Variants in SENP8 observed in about 807,000 individuals in gnomAD.
SENP8 encodes the protein sentrin-specific protease 8.
Under a neutral mutation model 14.4 loss-of-function variants are expected in SENP8, and 10 were observed. The observed-to-expected ratio is 0.69, with a 90% CI of 0.43 to 1.18. The LOEUF (loss-of-function observed/expected upper bound fraction) is 1.18, where lower values mean the gene tolerates loss of function less well. SENP8 is among the 50% of genes most tolerant of loss of function. SENP8 has a pLI of 0.00. For synonymous variants in SENP8, 94 were observed against 95.5 expected (o/e 0.98, Z 0.09); for missense variants, 202 against 249.4 (o/e 0.81, Z 1.28).
intron 1 of SENP8, among the ~76,000 whole-genome samples, chr15:72,121,842 C>T (rs2081170964): frequency 6.6e-6 from 1 of 152,176 alleles, no homozygotes; most frequent in African/African-American, 2.4e-5. Context: ...GGAATATATA[C>T]CCCAGTGTGG....
intron 1 of SENP8, among the ~76,000 whole-genome samples, chr15:72,127,680 A>G (rs2081233472): frequency 6.6e-6 from 1 of 152,180 alleles, no homozygotes. Context: ...AAATTTTTAA[A>G]CAATTATTTT....
chr15:72,117,320 T>C (rs1045102567), upstream of SENP8, among the ~76,000 whole-genome samples: 2 of 149,342 alleles, frequency 1.3e-5, no homozygotes, highest in Non-Finnish European at 3.0e-5. Context: ...GGTCGAGACT[T>C]TGCCTGAGAA....
Position 72,140,292 on chromosome 15 carries a change from G to A in SENP8, c.*30G>A. Reference sequence around the variant, plus strand: ...TGAAGTATATTTGCGACTTTTGAAGGCTCCTCTTTCTGCCCTTCCCCATTT... The same window carrying A: ...TGAAGTATATTTGCGACTTTTGAAGACTCCTCTTTCTGCCCTTCCCCATTT... On this transcript the variant is annotated 3_prime_UTR_variant, in exon 2 of 2. Coordinates refer to ENST00000340912, the MANE Select transcript of SENP8 (RefSeq NM_145204.4). 1 of 1,524,968 alleles carries A rather than the reference G, an allele frequency of 6.6e-7. No homozygotes were observed. The highest frequency in any genetic ancestry group is 1.1e-5 in the South Asian group (1 of 87,154). 94.5% of individuals were successfully genotyped at this position (1,524,968 alleles called of 1,614,324 possible).
intron 1 of SENP8, among the ~76,000 whole-genome samples, chr15:72,137,844 C>T (rs988853910): frequency 4.0e-5 from 6 of 151,448 alleles, no homozygotes; most frequent in African/African-American, 4.8e-5. Context: ...TTGTGGCGGG[C>T]GCCTGTAGTC....
At chr15:72,117,940 C>T (rs1359295678), upstream of SENP8, 2 of 401,254 alleles carry the variant, frequency 5.0e-6, no homozygotes, top group Admixed American at 4.4e-5. Flanking sequence ...CGCGTTGGAC[C>T]GCCGCCTCAA....
In SENP8 at chr15:72,140,357, T is replaced by C. The variant is rs1273864357; in HGVS notation, c.*95T>C. ...ATCTCAGTGCCTGAGGGAAGATGCC[T>C]AGTAGAGGAAAGCTTAATACTCTTT... is the stretch of plus-strand genomic sequence containing the variant. On this transcript the variant is annotated 3_prime_UTR_variant, in exon 2 of 2. Coordinates refer to ENST00000340912, the MANE Select transcript of SENP8 (RefSeq NM_145204.4). 3 of 848,224 alleles carry C rather than the reference T, an allele frequency of 3.5e-6. No homozygotes were observed. The highest frequency in any genetic ancestry group is 1.6e-5 in the South Asian group (1 of 60,742). The allele number at this position is 848,224 out of a possible 1,614,324, so 52.5% of individuals were successfully genotyped here.
In SENP8 at chr15:72,140,334, C is replaced by A; in HGVS notation, c.*72C>A. Reference sequence around the variant, plus strand: ...TCCCCATTTGTTGGATGGCTGCAATCTCAGTGCCTGAGGGAAGATGCCTAG... The same window carrying A: ...TCCCCATTTGTTGGATGGCTGCAATATCAGTGCCTGAGGGAAGATGCCTAG... On this transcript the variant is annotated 3_prime_UTR_variant, in exon 2 of 2. Coordinates refer to ENST00000340912, the MANE Select transcript of SENP8 (RefSeq NM_145204.4). 2 of 1,097,930 alleles carry A rather than the reference C, an allele frequency of 1.8e-6. No individual in the cohort carries two copies. The highest frequency in any genetic ancestry group is 2.7e-6 in the Non-Finnish European group (2 of 734,176). 68.0% of individuals were successfully genotyped at this position (1,097,930 alleles called of 1,614,324 possible).
chr15:72,115,856 T>C (rs2151230073), upstream of SENP8, among the ~76,000 whole-genome samples: 1 of 152,106 alleles, frequency 6.6e-6, no homozygotes, highest in Admixed American at 6.5e-5. Flanking sequence ...ACATATAACA[T>C]CAGACACATT....
At position 72,133,418 on chromosome 15, in the gene SENP8, A is replaced by G. The variant is rs571454120; in HGVS notation, c.-47-6159A>G. Among the ~76,000 whole-genome samples, 113 of 152,314 alleles carry G rather than the reference A, an allele frequency of 7.4e-4. 3 individuals are homozygous for G. In the South Asian group the frequency reaches 0.022, roughly 30 times the overall value. Reference sequence around the variant, plus strand: ...CCACTTCATTCTAGCACGCTAGACTATTCAAGATTCTCTCCACATTTGAAA... The same window carrying G: ...CCACTTCATTCTAGCACGCTAGACTGTTCAAGATTCTCTCCACATTTGAAA... On this transcript the variant is annotated intron_variant, in intron 1 of 1. Transcript: ENST00000340912.
At position 72,140,436 on chromosome 15, in the gene SENP8, C is replaced by T. The variant is rs1266918885; in HGVS notation, c.*174C>T. The T allele has an allele frequency of 6.6e-6, 4 of 605,824 alleles. No homozygotes were observed. The highest frequency in any genetic ancestry group is 1.2e-5 in the Non-Finnish European group (4 of 337,002). The allele number at this position is 605,824 out of a possible 1,614,324, so 37.5% of individuals were successfully genotyped here. A position where few individuals can be genotyped will look rare whatever the true frequency, so the allele number is the denominator to read the frequency against. ...ATCCCCATGGAACGTTTCACTTTAA[C>T]CCTGACTGGGGAGCAATATGTTCTG... On this transcript the variant is annotated 3_prime_UTR_variant, in exon 2 of 2. Transcript: ENST00000340912.
intron 1 of SENP8, among the ~76,000 whole-genome samples, chr15:72,124,064 A>C (rs922526179): frequency 1.3e-5 from 2 of 152,226 alleles, no homozygotes; most frequent in African/African-American, 4.8e-5. Context: ...CATCACACCA[A>C]GTAGGTTTTG....
At chr15:72,138,204 T>A (rs2081345371) in intron 1 of SENP8, among the ~76,000 whole-genome samples, 1 of 152,178 alleles carries the variant, frequency 6.6e-6, no homozygotes, top group Non-Finnish European at 1.5e-5. Flanking sequence ...GCTTACTGTG[T>A]ACATGGCAAG....
chr15:72,139,498 A>C, intron 1 of SENP8, 79 bp from the exon 2 acceptor site: 1 of 1,333,208 alleles, frequency 7.5e-7, no homozygotes, highest in Non-Finnish European at 1.0e-6. Flanking sequence ...TTTTTTTACC[A>C]CAACCCTATA....
chr15:72,132,414 C>T (rs144786806), intron 1 of SENP8, among the ~76,000 whole-genome samples: 64 of 152,178 alleles, frequency 4.2e-4, no homozygotes, highest in African/African-American at 1.5e-3. Context: ...CTTTTTTTCC[C>T]GTAATCTAAA....
intron 1 of SENP8, among the ~76,000 whole-genome samples, chr15:72,136,362 G>T (rs1324470710): frequency 6.6e-6 from 1 of 152,142 alleles, no homozygotes; most frequent in East Asian, 1.9e-4. Flanking sequence ...CCAAATTTGT[G>T]GCCCACCCAT....
chr15:72,119,785 A>G (rs1410307190), intron 1 of SENP8, among the ~76,000 whole-genome samples: 1 of 152,194 alleles, frequency 6.6e-6, no homozygotes, highest in African/African-American at 2.4e-5. Context: ...ATTTAACTAC[A>G]GAGAGGCTTG....
Position 72,139,982 on chromosome 15 carries a change from C to G in SENP8, c.359C>G (p.Ser120Cys). Residue 120 changes from serine to cysteine, a missense_variant, in exon 2 of 2, where the codon TCC (serine) becomes TGC (cysteine). Ser to Cys is a moderately radical substitution (Grantham distance 112, BLOSUM62 -1). Coordinates refer to ENST00000340912, the MANE Select transcript of SENP8 (RefSeq NM_145204.4). ...QDKNSFFHYD[S>C]HSRSNSVHAK... is the part of the protein sequence containing the mutation. ...AAAAATAGCTTTTTTCATTATGATT[C>G]CCATAGCAGGAGCAACTCAGTTCAC... 5 of 1,614,176 alleles carry G rather than the reference C, an allele frequency of 3.1e-6. No individual in the cohort carries two copies. Among genetic ancestry groups the G allele is most frequent in the Non-Finnish European group, 4.2e-6 (5 of 1,180,036 alleles).
chr15:72,139,421 A>G (rs28397923), intron 1 of SENP8, 156 bp from the exon 2 acceptor site: 28,121 of 632,532 alleles, frequency 0.044, 1,430 homozygotes, highest in East Asian at 0.22. Context: ...GGCAGAGGCA[A>G]AAGAAAATCC....
rs564033581 is a variant in SENP8 at position 72,123,601 on chromosome 15, C to T, written c.-48+5137C>T. Among the ~76,000 whole-genome samples, 33 of 150,232 alleles carry T rather than the reference C, an allele frequency of 2.2e-4. No individual in the cohort carries two copies. In the East Asian group the frequency reaches 2.9e-3, roughly 13 times the overall value. On this transcript the variant is annotated intron_variant, in intron 1 of 1. Coordinates refer to ENST00000340912, the MANE Select transcript of SENP8 (RefSeq NM_145204.4). ...TGTTCCCCAGGCTGGAGTGCAGTGG[C>T]GTGCTCTTGGCTCACCACAACCGCC...
Sources: gnomAD v4.1 joint callset for allele counts (sites outside exome capture counted in the v4.1 genomes callset) on GRCh38, gnomAD v4.1.1 for gene constraint, MANE v1.5 for transcripts, NCBI Gene and HGNC (gene_info 2026-07-23, HGNC 2026-07-21) for gene names.